The following GINM1 variants were observed in gnomAD, a reference collection of about 807,000 sequenced individuals.
GINM1 encodes glycosylated integral membrane protein 1.
Under a neutral mutation model 37.8 loss-of-function variants are expected in GINM1, and 29 were observed. The observed-to-expected ratio is 0.77, with a 90% CI of 0.57 to 1.05. The LOEUF (loss-of-function observed/expected upper bound fraction) is 1.05, where lower values mean the gene tolerates loss of function less well. Ranked by LOEUF, GINM1 falls within the 50% of genes least tolerant of loss-of-function variation. GINM1 has a pLI of 0.00. For missense variants in GINM1, 377 were observed against 397.9 expected (o/e 0.95, Z 0.45); for synonymous variants, 143 against 146.2 (o/e 0.98, Z 0.16).
intron 4 of GINM1, among the ~76,000 whole-genome samples, chr6:149,579,231 A>G (rs950979983): frequency 6.6e-6 from 1 of 152,238 alleles, no homozygotes; most frequent in Admixed American, 6.5e-5. Flanking sequence ...AAAGAGATTC[A>G]ATTTGGCTCA....
At chr6:149,577,771 A>T (rs142688266) in intron 3 of GINM1, among the ~76,000 whole-genome samples, 1 of 152,148 alleles carries the variant, frequency 6.6e-6, no homozygotes, top group African/African-American at 2.4e-5. Context: ...TATTTGAGGG[A>T]TAGAAATAAA....
intron 7 of GINM1, among the ~76,000 whole-genome samples, chr6:149,589,742 G>C (rs1264289593): frequency 6.6e-6 from 1 of 152,010 alleles, no homozygotes; most frequent in African/African-American, 2.4e-5. Flanking sequence ...ACTGTTTTCT[G>C]TCCTAGTGAT....
In GINM1 at chr6:149,566,573, C is replaced by A; in HGVS notation, c.120+39C>A. 6.9e-7 allele frequency: 1 copy of A among 1,456,368 alleles called. No individual in the cohort carries two copies. The allele number at this position is 1,456,368 out of a possible 1,614,324, so 90.2% of individuals were successfully genotyped here. A position where few individuals can be genotyped will look rare whatever the true frequency, so the allele number is the denominator to read the frequency against. On this transcript the variant is annotated intron_variant, in intron 1 of 7. Transcript: ENST00000367419. The surrounding 1 kb of genome is among the most constrained non-coding windows in gnomAD (Gnocchi z 4.4). ...GGCCTGGCTGGCCGCTTTACGACTC[C>A]GACTCTCCGGGAGGCCCGGGCTGTC...
intron 3 of GINM1, among the ~76,000 whole-genome samples, chr6:149,574,491 C>G (rs73604793): frequency 0.081 from 12,356 of 152,188 alleles, 1,703 homozygotes; most frequent in African/African-American, 0.28. Flanking sequence ...TTTTCTTCCC[C>G]CTTTGCCTTC....
rs557414336 is a variant in GINM1, at chr6:149,567,116, G to A, written c.120+582G>A. Among the ~76,000 whole-genome samples, 38 of 152,260 alleles carry A rather than the reference G, an allele frequency of 2.5e-4. No homozygotes were observed. The East Asian group carries it at 5.6e-3, about 22-fold the overall frequency. On this transcript the variant is annotated intron_variant, in intron 1 of 7. Transcript: ENST00000367419. ...CGGCGGGGCGCGATCGGCGGTGTCCGCATCCCCTGGGGACTCAGCCCGGCC... is the reference window on the plus strand; with the variant it reads ...CGGCGGGGCGCGATCGGCGGTGTCCACATCCCCTGGGGACTCAGCCCGGCC...
chr6:149,568,130 T>G (rs147707560), intron 1 of GINM1, among the ~76,000 whole-genome samples: 1 of 152,246 alleles, frequency 6.6e-6, no homozygotes, highest in Non-Finnish European at 1.5e-5. Flanking sequence ...CATATTACGC[T>G]GGGTGCAGTG....
chr6:149,580,589 GTAGAAAGTGTTAGT>G lies in GINM1; in HGVS notation c.587-2_598del. ...TTGGTAACGTTGCTCTTTCTCCTGGGTAGAAAGTGTTAGTTCACTGCAAACCACTAGCCAGTATC... is the reference window on the plus strand; with the variant it reads ...TTGGTAACGTTGCTCTTTCTCCTGGGTCACTGCAAACCACTAGCCAGTATC... On this transcript the variant is annotated splice_acceptor_variant and splice_polypyrimidine_tract_variant and coding_sequence_variant and intron_variant, in exon 6 of 8. Transcript: ENST00000367419. LOFTEE classifies it high-confidence loss of function. The G allele has an allele frequency of 6.2e-7, 1 of 1,607,328 alleles. No individual in the cohort carries two copies. Among genetic ancestry groups the G allele is most frequent in the Non-Finnish European group, 8.5e-7 (1 of 1,177,182 alleles).
intron 7 of GINM1, among the ~76,000 whole-genome samples, chr6:149,590,272 A>AT (rs1482994111): frequency 6.6e-6 from 1 of 152,234 alleles, no homozygotes; most frequent in Non-Finnish European, 1.5e-5. Context: ...TCTTATTAGA[A>AT]TAACACTGAA....
intron 1 of GINM1, among the ~76,000 whole-genome samples, chr6:149,569,413 A>G (rs1351273675): frequency 1.4e-5 from 2 of 145,938 alleles, no homozygotes; most frequent in Admixed American, 7.2e-5. Flanking sequence ...ATCTCGGCTC[A>G]CTGCAGCCTC....
chr6:149,582,269 C>A, intron 6 of GINM1, 171 bp from the exon 7 acceptor site: 1 of 629,874 alleles, frequency 1.6e-6, no homozygotes, highest in Non-Finnish European at 2.8e-6. Flanking sequence ...AAAATAAAAT[C>A]ACCATTTAAA....
intron 3 of GINM1, among the ~76,000 whole-genome samples, chr6:149,573,591 T>C (rs1389416945): frequency 1.3e-5 from 2 of 152,100 alleles, no homozygotes; most frequent in Non-Finnish European, 2.9e-5. Flanking sequence ...TGTAAGAATG[T>C]GCATAGAGGC....
In GINM1 at chr6:149,566,774, C is replaced by T. The variant is rs1367225763; in HGVS notation, c.120+240C>T. On this transcript the variant is annotated intron_variant, in intron 1 of 7. Coordinates refer to ENST00000367419, the MANE Select transcript of GINM1 (RefSeq NM_138785.5). The surrounding 1 kb of genome is among the most constrained non-coding windows in gnomAD (Gnocchi z 4.4). ...TGAGCCTCGAGCCACTCCACACCGA[C>T]TCTCCGGCGGCCCAAGCCGGCGCGC... is the stretch of plus-strand genomic sequence containing the variant. 6.6e-6 allele frequency among the ~76,000 whole-genome samples: 1 copy of T among 152,246 alleles called. No individual in the cohort carries two copies. Among genetic ancestry groups the T allele is most frequent in the Admixed American group, 6.5e-5 (1 of 15,290 alleles).
At chr6:149,571,277 C>A (rs1777817317) in intron 1 of GINM1, among the ~76,000 whole-genome samples, 2 of 148,636 alleles carry the variant, frequency 1.3e-5, no homozygotes, top group African/African-American at 5.0e-5. Flanking sequence ...ATCGCCACTG[C>A]ACTCTAGCCT....
intron 7 of GINM1, 119 bp from the exon 8 acceptor site, chr6:149,590,608 T>C: frequency 1.7e-6 from 1 of 578,052 alleles, no homozygotes; most frequent in Non-Finnish European, 3.0e-6. Context: ...AAATAGAATG[T>C]AGCAAAAGCA....
At chr6:149,576,481 T>TG (rs1218148135) in intron 3 of GINM1, among the ~76,000 whole-genome samples, 1 of 152,216 alleles carries the variant, frequency 6.6e-6, no homozygotes, top group Non-Finnish European at 1.5e-5. Flanking sequence ...CTGTGTGCAT[T>TG]GGCTCATGCC....
chr6:149,573,402 A>G (rs1001344488), intron 3 of GINM1, among the ~76,000 whole-genome samples: 1 of 152,144 alleles, frequency 6.6e-6, no homozygotes, highest in Non-Finnish European at 1.5e-5. Flanking sequence ...GCACTCCAGC[A>G]TGGGTGACAG....
chr6:149,579,644 A>C (rs1777967740), intron 4 of GINM1, among the ~76,000 whole-genome samples, 190 bp from the exon 5 acceptor site: 1 of 151,808 alleles, frequency 6.6e-6, no homozygotes, highest in South Asian at 2.1e-4. Context: ...GCAAGCTGAG[A>C]TCGCACCATT....
rs113591214 is a variant in GINM1 at position 149,566,945 on chromosome 6, A to C, written c.120+411A>C. On this transcript the variant is annotated intron_variant, in intron 1 of 7. Coordinates refer to ENST00000367419, the MANE Select transcript of GINM1 (RefSeq NM_138785.5). This position sits in a 1 kb window ranked among gnomAD's most constrained non-coding sequence, Gnocchi z 4.4. ...GAAGTTGCCCACTTCGCGCATTTCC[A>C]GGCCACTTGTGCCTGCTCGGCCTGC... Among the ~76,000 whole-genome samples the C allele has an allele frequency of 6.6e-6, 1 of 152,248 alleles. No homozygotes were observed. The highest frequency in any genetic ancestry group is 2.4e-5 in the African/African-American group (1 of 41,468).
At chr6:149,578,552 A>G (rs1241092375) in intron 3 of GINM1, among the ~76,000 whole-genome samples, 3 of 150,196 alleles carry the variant, frequency 2.0e-5, no homozygotes, top group Non-Finnish European at 4.4e-5. Context: ...AAAAAAGAAT[A>G]GGAAAGATGT....
Sources: allele counts gnomAD v4.1 joint callset (sites outside exome capture counted in the v4.1 genomes callset), GRCh38; gene constraint gnomAD v4.1.1; non-coding constraint Gnocchi (gnomAD v3.1); transcripts MANE v1.5; gene names NCBI Gene and HGNC (gene_info 2026-07-23, HGNC 2026-07-21).